Variants in CALCR observed in about 807,000 individuals in gnomAD.
CALCR encodes the protein calcitonin receptor.
Under a neutral mutation model 59.5 loss-of-function variants are expected in CALCR, and 47 were observed. The observed-to-expected ratio is 0.79, with a 90% confidence interval of 0.63 to 1.01. The LOEUF is 1.01. Among genes scored for constraint, CALCR ranks in the 50% least tolerant of loss-of-function variants. The pLI, the probability that CALCR is intolerant of heterozygous loss-of-function variation, is 0.00. For synonymous variants in CALCR, 213 were observed against 211.3 expected (o/e 1.01, Z -0.07); for missense variants, 566 against 597.1 (o/e 0.95, Z 0.54).
intron 2 of CALCR, among the ~76,000 whole-genome samples, chr7:93,542,846 A>G (rs1175949819): frequency 1.3e-5 from 2 of 151,998 alleles, no homozygotes; most frequent in Non-Finnish European, 2.9e-5. Flanking sequence ...ATCTTATTCC[A>G]CTGGAAAGTC....
chr7:93,486,876 C>T (rs1800956135), intron 3 of CALCR, 55 bp downstream of exon 3: 7 of 1,067,316 alleles, frequency 6.6e-6, no homozygotes, highest in Non-Finnish European at 1.0e-5. Context: ...CAAAACATTC[C>T]TCCTTATTCA....
intron 8 of CALCR, among the ~76,000 whole-genome samples, chr7:93,454,917 TG>T (rs71292979): frequency 0.053 from 916 of 17,324 alleles, 16 homozygotes; most frequent in African/African-American, 0.19. Context: ...CAGGGCATTT[TG>T]TGTGTGTGTG....
intron 8 of CALCR, among the ~76,000 whole-genome samples, chr7:93,458,014 T>C (rs1800243414): frequency 6.6e-6 from 1 of 152,078 alleles, no homozygotes; most frequent in Non-Finnish European, 1.5e-5. Flanking sequence ...GATAATTCCA[T>C]CCATTGCTCG....
At chr7:93,514,449 A>G (rs2188799) in intron 2 of CALCR, among the ~76,000 whole-genome samples, 42,744 of 151,766 alleles carry the variant, frequency 0.28, 6,349 homozygotes, top group Non-Finnish European at 0.32. Context: ...TTCAAGATAA[A>G]TAATTTGTTG....
intron 2 of CALCR, 22 bp from the exon 3 acceptor site, chr7:93,487,029 A>G (rs1337004181): frequency 7.8e-7 from 1 of 1,280,252 alleles, no homozygotes; most frequent in Non-Finnish European, 1.1e-6. Context: ...TAAAAGCAAC[A>G]AAGACTAAAA....
intron 2 of CALCR, among the ~76,000 whole-genome samples, chr7:93,499,995 T>G (rs960766914): frequency 1.3e-5 from 2 of 151,872 alleles, no homozygotes; most frequent in Admixed American, 6.6e-5. Flanking sequence ...AAAGTACAAC[T>G]GATTTTATTA....
At chr7:93,561,050 A>G (rs1326410009) in intron 2 of CALCR, among the ~76,000 whole-genome samples, 2 of 152,302 alleles carry the variant, frequency 1.3e-5, no homozygotes, top group East Asian at 3.9e-4. Flanking sequence ...GATAGAAACA[A>G]TTCCTTCCTA....
At chr7:93,548,491 G>A (rs769945476) in intron 2 of CALCR, among the ~76,000 whole-genome samples, 2 of 151,994 alleles carry the variant, frequency 1.3e-5, no homozygotes, top group Non-Finnish European at 2.9e-5. Context: ...TTATAGAACC[G>A]AGGGAAATAA....
chr7:93,550,469 C>T (rs1314066308), intron 2 of CALCR, among the ~76,000 whole-genome samples: 1 of 55,172 alleles, frequency 1.8e-5, no homozygotes, highest in African/African-American at 7.6e-5. Flanking sequence ...GCCTGGGCAA[C>T]AAGAGTAAAA....
At chr7:93,567,884 C>T (rs1789902611) in intron 2 of CALCR, among the ~76,000 whole-genome samples, 1 of 152,082 alleles carries the variant, frequency 6.6e-6, no homozygotes, top group Admixed American at 6.5e-5. Flanking sequence ...CTGCTCTATG[C>T]AACTTTTAAG....
chr7:93,508,399 A>C (rs6465384), intron 2 of CALCR, among the ~76,000 whole-genome samples: 127,149 of 152,182 alleles, frequency 0.84, 53,704 homozygotes, highest in African/African-American at 0.93. Context: ...GTGGAACATT[A>C]TTTTTTAAAC....
At chr7:93,557,838 C>A (rs948447097) in intron 2 of CALCR, among the ~76,000 whole-genome samples, 1 of 151,886 alleles carries the variant, frequency 6.6e-6, no homozygotes. Context: ...TCCTAGACTC[C>A]ATTTTGTTTC....
At chr7:93,440,741 C>A (rs79944717) in intron 9 of CALCR, among the ~76,000 whole-genome samples, 9,223 of 152,052 alleles carry the variant, frequency 0.061, 402 homozygotes, top group Admixed American at 0.14. Context: ...GCCCTCTAAA[C>A]AGATTTTTAA....
intron 13 of CALCR, among the ~76,000 whole-genome samples, chr7:93,428,226 A>C (rs535846519): frequency 4.7e-4 from 72 of 152,288 alleles, no homozygotes; most frequent in Non-Finnish European, 7.4e-4. Flanking sequence ...TAAGTATGTG[A>C]TTTGTATTAA....
chr7:93,438,890 C>G (rs1258827944), intron 9 of CALCR, among the ~76,000 whole-genome samples: 2 of 150,510 alleles, frequency 1.3e-5, no homozygotes, highest in Non-Finnish European at 3.0e-5. Flanking sequence ...TGACTAAACT[C>G]AAAGTGCTAG....
At chr7:93,549,102 C>T (rs1161167241) in intron 2 of CALCR, among the ~76,000 whole-genome samples, 1 of 152,072 alleles carries the variant, frequency 6.6e-6, no homozygotes, top group Admixed American at 6.6e-5. Context: ...CTAATTGTTA[C>T]ATTTCTGCCA....
chr7:93,531,939 A>G (rs887590448), intron 2 of CALCR, among the ~76,000 whole-genome samples: 2 of 152,066 alleles, frequency 1.3e-5, no homozygotes, highest in African/African-American at 4.8e-5. Flanking sequence ...TACCAGATAA[A>G]TAAATTAACA....
chr7:93,539,340 T>A (rs1448014990), intron 2 of CALCR, among the ~76,000 whole-genome samples: 2 of 152,002 alleles, frequency 1.3e-5, no homozygotes, highest in Non-Finnish European at 1.5e-5. Flanking sequence ...TTAGAGTAGG[T>A]GTATGATGAT....
At chr7:93,482,825 G>C (rs561576075) in intron 3 of CALCR, 1 of 533,650 alleles carries the variant, frequency 1.9e-6, no homozygotes, top group South Asian at 1.4e-5. Flanking sequence ...AGCTGGTTCA[G>C]TAGAGATTGT....
Sources: gnomAD v4.1 joint callset for allele counts (sites outside exome capture counted in the v4.1 genomes callset) on GRCh38, gnomAD v4.1.1 for gene constraint, MANE v1.5 for transcripts, NCBI Gene and HGNC (gene_info 2026-07-23, HGNC 2026-07-21) for gene names.